Variants in NAA35 observed in about 807,000 individuals in gnomAD.
The protein encoded by NAA35 is MAK10 homolog, amino-acid N-acetyltransferase subunit.
A neutral mutation model predicts 101.7 loss-of-function variants in NAA35; 18 were observed. The observed-to-expected ratio is 0.18, with a 90% CI of 0.12 to 0.26. NAA35 has a LOEUF of 0.26. Ranked by LOEUF, NAA35 falls within the 10% of genes least tolerant of loss-of-function variation. NAA35 has a pLI of 1.00. For synonymous variants in NAA35, 267 were observed against 273.1 expected, an observed-to-expected ratio of 0.98 and a Z score of 0.22; for missense variants, 601 against 886.8, an observed-to-expected ratio of 0.68 and a Z score of 4.09.
rs759029087 is a variant in NAA35, at chr9:86,017,588, CT to C, written c.1773+28del. 59 of 1,599,760 alleles carry C rather than the reference CT, an allele frequency of 3.7e-5. No individual in the cohort carries two copies. In the East Asian group the frequency reaches 5.8e-4, roughly 16 times the overall value. Reference sequence around the variant, plus strand: ...AAAGTAAGTTGTTGAAAGTGAAGTTCTTTTTGCCTTTTAGCTATATCCCTAT... The same window carrying C: ...AAAGTAAGTTGTTGAAAGTGAAGTTCTTTTGCCTTTTAGCTATATCCCTAT... On this transcript the variant is annotated intron_variant, in intron 19 of 22. Transcript: ENST00000361671.
intron 2 of NAA35, among the ~76,000 whole-genome samples, chr9:85,955,761 C>G (rs1008735600): frequency 1.6e-4 from 25 of 152,120 alleles, no homozygotes; most frequent in African/African-American, 6.0e-4. Context: ...CTGTATAGGT[C>G]CCAACTCTAG....
chr9:85,954,194 C>T (rs1223597113), intron 2 of NAA35, among the ~76,000 whole-genome samples: 1 of 152,164 alleles, frequency 6.6e-6, no homozygotes, highest in Non-Finnish European at 1.5e-5. Flanking sequence ...AATCCTCCCA[C>T]CTCAGCCTCC....
chr9:85,979,410 AAAG>A (rs1160957553), intron 11 of NAA35, among the ~76,000 whole-genome samples: 1 of 152,240 alleles, frequency 6.6e-6, no homozygotes, highest in Non-Finnish European at 1.5e-5. Context: ...TTCAAATAAG[AAAG>A]AAGAACAGGC....
At chr9:85,984,024 CAAAA>C (rs146695687) in intron 11 of NAA35, among the ~76,000 whole-genome samples, 1 of 103,038 alleles carries the variant, frequency 9.7e-6, no homozygotes, top group Non-Finnish European at 2.2e-5. Flanking sequence ...AAAATAGAAG[CAAAA>C]AAAAAAAAAA....
Position 86,024,796 on chromosome 9 carries a change from T to C in NAA35, c.*2836T>C, listed in dbSNP as rs560825808. Among the ~76,000 whole-genome samples the C allele has an allele frequency of 1.9e-4, 29 of 152,246 alleles. No homozygotes were observed. In the South Asian group the frequency reaches 5.6e-3, roughly 29 times the overall value. ...TATCTTTGGGACATCCTGGTGAAGA[T>C]GGCAGGTAGTTTGGTCTCAAACTGG... On this transcript the variant is annotated 3_prime_UTR_variant, in exon 23 of 23. Transcript: ENST00000361671.
At position 86,024,069 on chromosome 9, in the gene NAA35, A is replaced by G. The variant is rs922466583; in HGVS notation, c.*2109A>G. 1.3e-5 allele frequency among the ~76,000 whole-genome samples: 2 copies of G among 152,264 alleles called. No homozygotes were observed. Among genetic ancestry groups the G allele is most frequent in the African/African-American group, 4.8e-5 (2 of 41,472 alleles). Reference sequence around the variant, plus strand: ...AAGTAATCTGCCATTCAAGGTACTTACTGAAAAAAACAATAGGAGAAATAA... The same window carrying G: ...AAGTAATCTGCCATTCAAGGTACTTGCTGAAAAAAACAATAGGAGAAATAA... On this transcript the variant is annotated 3_prime_UTR_variant, in exon 23 of 23. Coordinates refer to ENST00000361671, the MANE Select transcript of NAA35 (RefSeq NM_024635.4).
At chr9:86,000,301 A>G (rs143410281) in intron 12 of NAA35, among the ~76,000 whole-genome samples, 4 of 152,280 alleles carry the variant, frequency 2.6e-5, no homozygotes, top group Non-Finnish European at 2.9e-5. Context: ...TCGATTTGCA[A>G]GTACTTTGTT....
intron 6 of NAA35, among the ~76,000 whole-genome samples, chr9:85,974,253 C>A (rs1367814583): frequency 6.6e-6 from 1 of 152,152 alleles, no homozygotes; most frequent in Non-Finnish European, 1.5e-5. Flanking sequence ...GCCACCATGC[C>A]CAGCCCCTAG....
At chr9:85,988,342 CA>C (rs1587623241) in intron 11 of NAA35, among the ~76,000 whole-genome samples, 1 of 152,136 alleles carries the variant, frequency 6.6e-6, no homozygotes, top group East Asian at 1.9e-4. Context: ...CTCTATAGAA[CA>C]AGAGCAGAAA....
intron 17 of NAA35, chr9:86,015,825 A>G (rs1443863450): frequency 2.1e-6 from 2 of 971,242 alleles, no homozygotes; most frequent in Non-Finnish European, 2.4e-6. Flanking sequence ...TTGCCTATAG[A>G]AATCCTTCAC....
Position 86,024,736 on chromosome 9 carries a change from C to CTAGGCA in NAA35, c.*2776_*2777insTAGGCA. On this transcript the variant is annotated 3_prime_UTR_variant, in exon 23 of 23. Transcript: ENST00000361671. ...TAGATATCTAGGCAAGGTAGGAGAC[C>CTAGGCA]AGGTTTGGGATAAAGATTGCTTTAG... Among the ~76,000 whole-genome samples, 2 of 149,972 alleles carry CTAGGCA rather than the reference C, an allele frequency of 1.3e-5. No homozygotes were observed. The highest frequency in any genetic ancestry group is 7.0e-3 in the Middle Eastern group (2 of 286).
At chr9:86,007,007 G>A (rs1427756120) in intron 13 of NAA35, among the ~76,000 whole-genome samples, 1 of 151,998 alleles carries the variant, frequency 6.6e-6, no homozygotes, top group Non-Finnish European at 1.5e-5. Flanking sequence ...AGGTAAACAG[G>A]ATTATCAAAT....
At chr9:85,978,479 A>G in intron 11 of NAA35, 98 bp downstream of exon 11, 1 of 750,038 alleles carries the variant, frequency 1.3e-6, no homozygotes, top group East Asian at 2.5e-5. Flanking sequence ...TCAGTCTTGT[A>G]CCTTGGGATG....
At chr9:85,947,122 C>A (rs1828803639) in intron 2 of NAA35, among the ~76,000 whole-genome samples, 1 of 152,128 alleles carries the variant, frequency 6.6e-6, no homozygotes, top group African/African-American at 2.4e-5. Context: ...TAAATGCTGT[C>A]ATTTTGGGGG....
At chr9:85,983,667 C>T (rs751819247) in intron 11 of NAA35, among the ~76,000 whole-genome samples, 47 of 151,542 alleles carry the variant, frequency 3.1e-4, no homozygotes, top group Non-Finnish European at 4.9e-4. Flanking sequence ...AAGAGCACGG[C>T]GGGTGGGGGC....
In NAA35 at chr9:85,958,831, CTA is replaced by C. The variant is rs377360069; in HGVS notation, c.273+251_273+252del. On this transcript the variant is annotated intron_variant, in intron 4 of 22. Coordinates refer to ENST00000361671, the MANE Select transcript of NAA35 (RefSeq NM_024635.4). ...AAATTTAATTTTTGAAAGCATTTGA[CTA>C]TATATTCAAATAGGAAAATTGGCTT... 1.3e-3 allele frequency among the ~76,000 whole-genome samples: 191 copies of C among 152,160 alleles called. 4 individuals are homozygous for C. In the South Asian group the frequency reaches 0.033, roughly 27 times the overall value.
At chr9:85,958,432 G>A (rs1365543992) in intron 3 of NAA35, 40 bp from the exon 4 acceptor site, 1 of 1,278,154 alleles carries the variant, frequency 7.8e-7, no homozygotes, top group Admixed American at 1.9e-5. Context: ...AAGCTTACTG[G>A]CTCAAAAACA....
intron 18 of NAA35, 151 bp from the exon 19 acceptor site, chr9:86,017,347 C>G: frequency 1.8e-6 from 1 of 562,428 alleles, no homozygotes; most frequent in East Asian, 2.9e-5. Flanking sequence ...TAGATTTTGA[C>G]CATAAATAAA....
chr9:85,977,952 T>C (rs1398706965), intron 10 of NAA35, among the ~76,000 whole-genome samples: 1 of 152,028 alleles, frequency 6.6e-6, no homozygotes, highest in Non-Finnish European at 1.5e-5. Context: ...TTTCCTACCT[T>C]GATGAATGAC....
Sources: allele counts gnomAD v4.1 joint callset (sites outside exome capture counted in the v4.1 genomes callset), GRCh38; gene constraint gnomAD v4.1.1; transcripts MANE v1.5; gene names NCBI Gene and HGNC (gene_info 2026-07-23, HGNC 2026-07-21).